RALYL: variants seen among roughly 807,000 people sequenced by gnomAD.
RALYL encodes the protein RNA-binding Raly-like protein.
In RALYL, 29 loss-of-function variants were observed where a neutral mutation model predicts 35.1. The ratio of observed to expected loss-of-function variants is 0.83; its 90% confidence interval spans 0.61 to 1.13. The LOEUF is 1.13. RALYL is among the 50% of genes most tolerant of loss of function. RALYL has a pLI of 0.00. For synonymous variants in RALYL, 120 were observed against 127.6 expected (o/e 0.94, Z 0.40); for missense variants, 359 against 360.4 (o/e 1.00, Z 0.03).
At chr8:84,210,984 A>T (rs55695735) in intron 1 of RALYL, among the ~76,000 whole-genome samples, 35,538 of 151,960 alleles carry the variant, frequency 0.23, 4,278 homozygotes, top group Non-Finnish European at 0.27. Flanking sequence ...AATATTGGCT[A>T]GTTTCTTAAT....
chr8:84,437,527 T>C (rs771422265), intron 1 of RALYL, among the ~76,000 whole-genome samples: 12 of 152,158 alleles, frequency 7.9e-5, no homozygotes, highest in South Asian at 2.1e-4. Flanking sequence ...TGTTGTTTTT[T>C]GACTTTTTAA....
At chr8:84,450,195 A>G (rs886363197) in intron 1 of RALYL, among the ~76,000 whole-genome samples, 4 of 151,986 alleles carry the variant, frequency 2.6e-5, no homozygotes, top group African/African-American at 9.7e-5. Flanking sequence ...AATAAAGGAA[A>G]TATAATTTGG....
intron 3 of RALYL, among the ~76,000 whole-genome samples, chr8:84,792,851 G>T (rs1050926127): frequency 6.6e-6 from 1 of 152,188 alleles, no homozygotes; most frequent in Non-Finnish European, 1.5e-5. Flanking sequence ...TGGATTGCAA[G>T]TTCCAGAATG....
intron 1 of RALYL, among the ~76,000 whole-genome samples, chr8:84,194,985 G>A (rs1212499540): frequency 6.6e-6 from 1 of 151,946 alleles, no homozygotes; most frequent in Non-Finnish European, 1.5e-5. Context: ...TACAGCAATA[G>A]GTCAGCAACA....
At chr8:84,654,027 GTTTGT>G (rs1324495786) in intron 2 of RALYL, among the ~76,000 whole-genome samples, 3 of 149,622 alleles carry the variant, frequency 2.0e-5, no homozygotes, top group South Asian at 2.1e-4. Flanking sequence ...GGTGGTGGTG[GTTTGT>G]TTTGTTTTAA....
intron 1 of RALYL, among the ~76,000 whole-genome samples, chr8:84,237,374 C>G (rs1023210680): frequency 6.6e-6 from 1 of 152,124 alleles, no homozygotes; most frequent in Admixed American, 6.6e-5. Context: ...GCAGAAGTGA[C>G]AGTCTTGGGT....
chr8:84,682,760 T>C (rs1466761974), intron 2 of RALYL, among the ~76,000 whole-genome samples: 2 of 152,186 alleles, frequency 1.3e-5, no homozygotes, highest in Non-Finnish European at 2.9e-5. Flanking sequence ...GCTAGCGGTC[T>C]ATCAATTTTG....
chr8:84,857,548 C>T (rs571703568), intron 5 of RALYL, among the ~76,000 whole-genome samples: 6 of 152,198 alleles, frequency 3.9e-5, no homozygotes, highest in South Asian at 2.1e-4. Context: ...TTTTAAACCA[C>T]GTTTGTTGAC....
At chr8:84,735,835 AG>A in intron 2 of RALYL, among the ~76,000 whole-genome samples, 1 of 151,730 alleles carries the variant, frequency 6.6e-6, no homozygotes, top group East Asian at 1.9e-4. Context: ...AGAGAGAGAG[AG>A]AGAGAGAGAG....
At position 84,261,906 on chromosome 8, in the gene RALYL, T is replaced by A. The variant is rs925580420; in HGVS notation, c.-24+77482T>A. 1.4e-4 allele frequency among the ~76,000 whole-genome samples: 22 copies of A among 152,094 alleles called. 1 individual carries two copies. Among genetic ancestry groups the A allele is most frequent in the Admixed American group, 5.9e-4 (9 of 15,260 alleles). On this transcript the variant is annotated intron_variant, in intron 1 of 8. Transcript: ENST00000521268. ...TCACATTAATTCAGATTTCATAATT[T>A]AAAAAAATAAAATTCACTATTGCTC...
At chr8:84,862,499 TTAAC>T in intron 6 of RALYL, 46 bp downstream of exon 6, 1 of 1,427,982 alleles carries the variant, frequency 7.0e-7, no homozygotes, top group African/African-American at 1.4e-5. Flanking sequence ...AAGGGAGTGA[TTAAC>T]TATCATTGCA....
chr8:84,528,867 A>G (rs2059085036), intron 1 of RALYL, among the ~76,000 whole-genome samples: 1 of 152,142 alleles, frequency 6.6e-6, no homozygotes, highest in Non-Finnish European at 1.5e-5. Context: ...AGAAATATAG[A>G]AATAAAAATG....
intron 1 of RALYL, among the ~76,000 whole-genome samples, chr8:84,292,456 C>T (rs994648508): frequency 6.6e-6 from 1 of 152,100 alleles, no homozygotes; most frequent in Non-Finnish European, 1.5e-5. Context: ...GCAACTCCCT[C>T]TTAAATAGGA....
At chr8:84,432,259 A>G (rs1437064001) in intron 1 of RALYL, among the ~76,000 whole-genome samples, 2 of 152,180 alleles carry the variant, frequency 1.3e-5, no homozygotes, top group Non-Finnish European at 2.9e-5. Context: ...CCATTATGCT[A>G]AGTGAAATAA....
At chr8:84,364,495 GCTTATT>G (rs1367565842) in intron 1 of RALYL, among the ~76,000 whole-genome samples, 4 of 151,750 alleles carry the variant, frequency 2.6e-5, no homozygotes, top group African/African-American at 7.3e-5. Context: ...AGGTATATTA[GCTTATT>G]CTTATTCTTA....
chr8:84,421,556 T>A, intron 1 of RALYL, among the ~76,000 whole-genome samples: 2 of 136,188 alleles, frequency 1.5e-5, no homozygotes, highest in Non-Finnish European at 3.2e-5. Context: ...TCCTGCCTAA[T>A]TGCCCTGGCC....
chr8:84,477,298 A>T (rs2053535676), intron 1 of RALYL, among the ~76,000 whole-genome samples: 1 of 151,786 alleles, frequency 6.6e-6, no homozygotes, highest in South Asian at 2.1e-4. Context: ...CTCCTTTAGC[A>T]TCTAACGCTG....
At chr8:84,397,913 T>C (rs1218546682) in intron 1 of RALYL, among the ~76,000 whole-genome samples, 1 of 152,214 alleles carries the variant, frequency 6.6e-6, no homozygotes, top group East Asian at 1.9e-4. Flanking sequence ...GTTTTGAAAC[T>C]CTAGAGTTCA....
chr8:84,662,079 T>C (rs1831049492), intron 2 of RALYL, among the ~76,000 whole-genome samples: 1 of 152,200 alleles, frequency 6.6e-6, no homozygotes, highest in Non-Finnish European at 1.5e-5. Context: ...GTTTGAAAGC[T>C]ATTCAACGTG....
Sources: allele counts gnomAD v4.1 joint callset (sites outside exome capture counted in the v4.1 genomes callset), GRCh38; gene constraint gnomAD v4.1.1; transcripts MANE v1.5; gene names NCBI Gene and HGNC (gene_info 2026-07-23, HGNC 2026-07-21).